The following ESR2 variants were observed in gnomAD, a reference collection of about 807,000 sequenced individuals.
ESR2 encodes the protein estrogen receptor 2, also known as estrogen receptor beta.
A neutral mutation model predicts 49.6 loss-of-function variants in ESR2; 36 were observed. The ratio of observed to expected loss-of-function variants is 0.73; its 90% confidence interval spans 0.56 to 0.96. The LOEUF is 0.96. Ranked by LOEUF, ESR2 falls within the 40% of genes least tolerant of loss-of-function variation. ESR2 has a pLI of 0.00. For missense variants in ESR2, 714 were observed against 693.0 expected (o/e 1.03, Z -0.34); for synonymous variants, 320 against 266.1 (o/e 1.20, Z -1.97).
chr14:64,286,218 G>A (rs2076782759), intron 1 of ESR2, among the ~76,000 whole-genome samples: 1 of 152,096 alleles, frequency 6.6e-6, no homozygotes, highest in East Asian at 1.9e-4. Context: ...AATGGTAGCT[G>A]GAGAAGGATA....
intron 8 of ESR2, chr14:64,233,564 G>T: frequency 1.9e-6 from 1 of 513,496 alleles, no homozygotes. Flanking sequence ...TGACACATAG[G>T]ACAATCAATC....
intron 1 of ESR2, among the ~76,000 whole-genome samples, chr14:64,285,395 A>C (rs2076767324): frequency 1.3e-5 from 2 of 152,182 alleles, no homozygotes; most frequent in African/African-American, 4.8e-5. Context: ...GTCCATTAAG[A>C]AACATGCAAA....
intron 1 of ESR2, chr14:64,335,973 T>TGTGTGTGTGTGTG: frequency 8.0e-6 from 1 of 125,722 alleles, no homozygotes; most frequent in African/African-American, 3.0e-5. Context: ...CCCAGCTAAT[T>TGTGTGTGTGTGTG]TGTGTGTGTG....
At chr14:64,272,783 T>C (rs1416757064) in intron 3 of ESR2, among the ~76,000 whole-genome samples, 1 of 152,202 alleles carries the variant, frequency 6.6e-6, no homozygotes, top group Non-Finnish European at 1.5e-5. Flanking sequence ...ATGGTATAAT[T>C]TATAGTCAGG....
chr14:64,244,609 C>T (rs1053424628), intron 7 of ESR2, among the ~76,000 whole-genome samples: 1 of 152,150 alleles, frequency 6.6e-6, no homozygotes, highest in African/African-American at 2.4e-5. Flanking sequence ...CTGGGACTCA[C>T]ACCAGTGGCC....
rs772039917 is a variant in ESR2, at chr14:64,233,269, C to A, written c.1461G>T (p.Val487=). The change falls in exon 9 of 9, where the codon GTG becomes GTT. Residue 487 remains valine (V), a synonymous_variant. Transcript: ENST00000341099. ...LNMKCKNVVP[V]YDLLLEMLNA... The stretch of plus-strand genomic sequence containing the variant: ...TCAGCATCTCCAGCAGCAGGTCATA[C>A]ACTGGGACCACATTTTTGCACTTCA... 1 of 1,614,196 alleles carries A rather than the reference C, an allele frequency of 6.2e-7. No individual in the cohort carries two copies. Among genetic ancestry groups the A allele is most frequent in the Middle Eastern group, 1.6e-4 (1 of 6,062 alleles).
Position 64,260,669 on chromosome 14 carries a change from C to T in ESR2, c.732G>A (p.Lys244=). The change falls in exon 5 of 9, where the codon AAG becomes AAA. Residue 244 remains lysine (K), a synonymous_variant. Coordinates refer to ENST00000341099, the MANE Select transcript of ESR2 (RefSeq NM_001437.3). ...GCGCGTGGCCGCCACTTCTCTTGGCCTTGCCGGCACAGTGCAGCTGCTCGT... is the reference window on the plus strand; with the variant it reads ...GCGCGTGGCCGCCACTTCTCTTGGCTTTGCCGGCACAGTGCAGCTGCTCGT... ...SADEQLHCAG[K]AKRSGGHAPR... 6.3e-7 allele frequency: 1 copy of T among 1,588,420 alleles called. No individual in the cohort carries two copies. The highest frequency in any genetic ancestry group is 8.6e-7 in the Non-Finnish European group (1 of 1,165,290).
rs1335990332 is a variant in ESR2 at position 64,251,320 on chromosome 14, AAAC to A, written c.1092-1644_1092-1642del. Among the ~76,000 whole-genome samples, 387 of 151,732 alleles carry A rather than the reference AAAC, an allele frequency of 2.6e-3. 1 individual carries two copies. The highest frequency in any genetic ancestry group is 4.8e-3 in the Non-Finnish European group (323 of 67,888). The stretch of plus-strand genomic sequence containing the variant: ...ATCTCTATGGGGCAAAAAAAAAAAA[AAAC>A]AAAAAAACCCACCAACTCCTGCATT... On this transcript the variant is annotated intron_variant, in intron 6 of 8. Transcript: ENST00000341099.
chr14:64,318,293 T>C (rs2077281876), intron 1 of ESR2, among the ~76,000 whole-genome samples: 1 of 151,850 alleles, frequency 6.6e-6, no homozygotes, highest in Non-Finnish European at 1.5e-5. Context: ...TCCCAGCACT[T>C]TGGGAGGCCA....
At chr14:64,334,939 C>T (rs939616193) in intron 1 of ESR2, among the ~76,000 whole-genome samples, 6 of 152,202 alleles carry the variant, frequency 3.9e-5, no homozygotes, top group African/African-American at 7.2e-5. Context: ...TGAGCTACCA[C>T]GCCCAGCCTG....
intron 5 of ESR2, among the ~76,000 whole-genome samples, chr14:64,258,318 C>A (rs2076146480): frequency 6.6e-6 from 1 of 152,162 alleles, no homozygotes; most frequent in South Asian, 2.1e-4. Flanking sequence ...CAGGTAATCT[C>A]TGGGGAGGGA....
intron 1 of ESR2, among the ~76,000 whole-genome samples, chr14:64,293,502 T>G (rs1160007875): frequency 6.6e-6 from 1 of 152,220 alleles, no homozygotes; most frequent in East Asian, 1.9e-4. Flanking sequence ...CCAATAAGAA[T>G]AACACGCAGG....
At chr14:64,253,600 G>GTGTT (rs1555574442) in intron 6 of ESR2, among the ~76,000 whole-genome samples, 22 of 124,872 alleles carry the variant, frequency 1.8e-4, no homozygotes, top group Admixed American at 1.5e-3. Context: ...GTGTGTGTGT[G>GTGTT]TGTGTATGTA....
intron 7 of ESR2, among the ~76,000 whole-genome samples, chr14:64,240,651 T>G (rs910206112): frequency 6.6e-6 from 1 of 152,206 alleles, no homozygotes; most frequent in Non-Finnish European, 1.5e-5. Context: ...ATGAACACAC[T>G]CAGCTGCAAG....
intron 4 of ESR2, among the ~76,000 whole-genome samples, chr14:64,266,406 C>T (rs1054924735): frequency 3.3e-5 from 5 of 152,272 alleles, no homozygotes; most frequent in South Asian, 2.1e-4. Flanking sequence ...AGTGATGAAA[C>T]GAAAATGAAA....
At chr14:64,280,866 C>G (rs372817262) in intron 2 of ESR2, among the ~76,000 whole-genome samples, 1 of 152,078 alleles carries the variant, frequency 6.6e-6, no homozygotes, top group Admixed American at 6.6e-5. Flanking sequence ...AAAAATTAGC[C>G]AGACATGGTG....
intron 4 of ESR2, among the ~76,000 whole-genome samples, chr14:64,264,092 T>C (rs1034873182): frequency 2.6e-5 from 4 of 152,204 alleles, no homozygotes; most frequent in African/African-American, 9.6e-5. Context: ...GTCATTAGCA[T>C]GGTTATAACT....
At chr14:64,260,232 G>A (rs1313799017) in intron 5 of ESR2, 1 of 756,406 alleles carries the variant, frequency 1.3e-6, no homozygotes, top group African/African-American at 1.7e-5. Flanking sequence ...ACTCAGAAGA[G>A]TCTCAGAATT....
chr14:64,274,758 C>G (rs1285872432), intron 3 of ESR2, among the ~76,000 whole-genome samples: 1 of 152,144 alleles, frequency 6.6e-6, no homozygotes, highest in Non-Finnish European at 1.5e-5. Context: ...AAACTTTCCT[C>G]TTAGTACTGC....
Sources: allele counts gnomAD v4.1 joint callset (sites outside exome capture counted in the v4.1 genomes callset), GRCh38; gene constraint gnomAD v4.1.1; transcripts MANE v1.5; gene names NCBI Gene and HGNC (gene_info 2026-07-23, HGNC 2026-07-21).